The following ZNF362 variants were observed in gnomAD, a reference collection of about 807,000 sequenced individuals.
The protein encoded by ZNF362 is zinc finger protein 362.
Under a neutral mutation model 42.9 loss-of-function variants are expected in ZNF362, and 11 were observed. The ratio of observed to expected loss-of-function variants is 0.26; its 90% CI spans 0.16 to 0.42. The LOEUF (loss-of-function observed/expected upper bound fraction) is 0.42. ZNF362 is among the 20% of genes least tolerant of loss of function. ZNF362 has a pLI of 1.00. For missense variants in ZNF362, 362 were observed against 576.2 expected, an observed-to-expected ratio of 0.63 and a Z score of 3.81; for synonymous variants, 255 against 257.3, an observed-to-expected ratio of 0.99 and a Z score of 0.09.
At chr1:33,172,555 G>A in the ZNF362 span, among the ~76,000 whole-genome samples, 1 of 152,144 alleles carries the variant, frequency 6.6e-6, no homozygotes, top group Non-Finnish European at 1.5e-5. Context: ...GAGCGGGGGT[G>A]GGCCGGGCAG....
the ZNF362 span, chr1:33,176,513 T>C: frequency 1.5e-6 from 1 of 665,018 alleles, no homozygotes; most frequent in Non-Finnish European, 2.8e-6. Context: ...CGGCTGAGAC[T>C]GAATCGGATC....
chr1:33,239,021 G>A, the ZNF362 span, among the ~76,000 whole-genome samples: 1 of 152,186 alleles, frequency 6.6e-6, no homozygotes, highest in Non-Finnish European at 1.5e-5. Context: ...TTCCCAGAAG[G>A]TGCTGGTTGA....
At chr1:33,177,111 A>G in the ZNF362 span, among the ~76,000 whole-genome samples, 9 of 151,634 alleles carry the variant, frequency 5.9e-5, no homozygotes, top group Non-Finnish European at 1.3e-4. The surrounding 1 kb of genome is among the most constrained non-coding windows in gnomAD (Gnocchi z 4.1). Context: ...ATGCACACAC[A>G]CATGCATGTA....
the ZNF362 span, among the ~76,000 whole-genome samples, chr1:33,148,162 A>C: frequency 1.2e-4 from 18 of 152,308 alleles, no homozygotes; most frequent in African/African-American, 3.6e-4. Flanking sequence ...GCTGGGATCC[A>C]GGGATGCTAA....
the ZNF362 span, among the ~76,000 whole-genome samples, chr1:33,232,413 C>T: frequency 2.6e-5 from 4 of 152,178 alleles, no homozygotes; most frequent in African/African-American, 9.7e-5. Flanking sequence ...CTCACGCCAC[C>T]ATGCCAGGCT....
chr1:33,252,107 C>T (rs1645764273), upstream of ZNF362, among the ~76,000 whole-genome samples: 1 of 152,216 alleles, frequency 6.6e-6, no homozygotes, highest in Non-Finnish European at 1.5e-5. Context: ...AATCCCAGCA[C>T]TTTGGGAGGC....
rs1017473702 is a variant in ZNF362, at chr1:33,266,969, G to C, written c.-88-3518G>C. Among the ~76,000 whole-genome samples the C allele has an allele frequency of 6.6e-6, 1 of 152,170 alleles. No individual in the cohort carries two copies. Among genetic ancestry groups the C allele is most frequent in the African/African-American group, 2.4e-5 (1 of 41,446 alleles). ...TTTAAGCGGTAGACTTAGCGCCCTG[G>C]GAAGGCTCTCCTTCGGCTTGGTCCT... is the stretch of plus-strand genomic sequence containing the variant. On this transcript the variant is annotated intron_variant, in intron 1 of 8. Transcript: ENST00000539719. This position sits in a 1 kb window ranked among gnomAD's most constrained non-coding sequence, Gnocchi z 4.3.
At chr1:33,194,729 T>C in the ZNF362 span, 8 of 152,120 alleles carry the variant, frequency 5.3e-5, no homozygotes, top group Non-Finnish European at 1.2e-4. Flanking sequence ...TACCTCATGG[T>C]GTTGCTATGA....
the ZNF362 span, among the ~76,000 whole-genome samples, chr1:33,148,384 C>T: frequency 2.0e-5 from 3 of 152,132 alleles, no homozygotes; most frequent in Admixed American, 6.5e-5. Context: ...CAGAATGCAA[C>T]CACTGTGTAA....
chr1:33,282,458 T>C (rs1339841484), intron 6 of ZNF362, among the ~76,000 whole-genome samples: 5 of 152,130 alleles, frequency 3.3e-5, no homozygotes, highest in Non-Finnish European at 7.4e-5. Context: ...CAGACGAAAA[T>C]CTCTGCCTTC....
the ZNF362 span, among the ~76,000 whole-genome samples, chr1:33,236,042 T>G: frequency 6.6e-6 from 1 of 152,278 alleles, no homozygotes; most frequent in East Asian, 1.9e-4. Context: ...AAGTGCTGAC[T>G]GTTGCCCCTT....
the ZNF362 span, among the ~76,000 whole-genome samples, chr1:33,240,420 C>T: frequency 6.6e-6 from 1 of 152,180 alleles, no homozygotes; most frequent in Non-Finnish European, 1.5e-5. Flanking sequence ...AACATCTGAG[C>T]AATTGCTCCC....
intron 4 of ZNF362, among the ~76,000 whole-genome samples, chr1:33,278,375 A>G (rs1047445298): frequency 5.3e-5 from 8 of 152,218 alleles, no homozygotes; most frequent in African/African-American, 1.9e-4. Flanking sequence ...AAGGTAATAC[A>G]TAGTCATTAT....
Position 33,299,103 on chromosome 1 carries a change from C to A in ZNF362, c.*57C>A. The A allele has an allele frequency of 7.2e-7, 1 of 1,389,362 alleles. No individual in the cohort carries two copies. The highest frequency in any genetic ancestry group is 1.0e-6 in the Non-Finnish European group (1 of 990,336). The allele number at this position is 1,389,362 out of a possible 1,614,324, so 86.1% of individuals were successfully genotyped here. A position where few individuals can be genotyped will look rare whatever the true frequency, so the allele number is the denominator to read the frequency against. On this transcript the variant is annotated 3_prime_UTR_variant, in exon 9 of 9. Coordinates refer to ENST00000539719, the MANE Select transcript of ZNF362 (RefSeq NM_152493.3). Reference sequence around the variant, plus strand: ...CTGGCAGACACAGACCCAGGCAGCACCAGGCCCCAGCTCCCTCCGGGGGCC... The same window carrying A: ...CTGGCAGACACAGACCCAGGCAGCAACAGGCCCCAGCTCCCTCCGGGGGCC...
chr1:33,257,848 C>A (rs559690195), intron 1 of ZNF362, among the ~76,000 whole-genome samples: 1 of 152,266 alleles, frequency 6.6e-6, no homozygotes, highest in African/African-American at 2.4e-5. Context: ...CAGGACCCCC[C>A]GTGTAGGCTG....
chr1:33,147,502 G>A, the ZNF362 span: 1 of 1,613,264 alleles, frequency 6.2e-7, no homozygotes, highest in Non-Finnish European at 8.5e-7. This position sits in a 1 kb window ranked among gnomAD's most constrained non-coding sequence, Gnocchi z 8.1. Context: ...GGCTTCGTGT[G>A]CCAGCCCGAT....
chr1:33,159,937 G>A, the ZNF362 span: 2 of 1,602,944 alleles, frequency 1.2e-6, no homozygotes, highest in Middle Eastern at 1.6e-4. This position sits in a 1 kb window ranked among gnomAD's most constrained non-coding sequence, Gnocchi z 4.2. Flanking sequence ...CAGGCTCTTG[G>A]TGGAAGACTG....
At chr1:33,229,465 G>A in the ZNF362 span, among the ~76,000 whole-genome samples, 1 of 149,436 alleles carries the variant, frequency 6.7e-6, no homozygotes, top group Non-Finnish European at 1.5e-5. Flanking sequence ...GGAGTGTAGT[G>A]GCATGATCTC....
rs771943651 is a variant in ZNF362 at position 33,294,029 on chromosome 1, C to T, written c.909-908C>T. Reference sequence around the variant, plus strand: ...TTCTACATGTGATTTACTTATTTCACGCTTGTTGCTTATTTCCTCCAGGCA... The same window carrying T: ...TTCTACATGTGATTTACTTATTTCATGCTTGTTGCTTATTTCCTCCAGGCA... On this transcript the variant is annotated intron_variant, in intron 6 of 8. Coordinates refer to ENST00000539719, the MANE Select transcript of ZNF362 (RefSeq NM_152493.3). This position sits in a 1 kb window ranked among gnomAD's most constrained non-coding sequence, Gnocchi z 4.2. 6.6e-6 allele frequency among the ~76,000 whole-genome samples: 1 copy of T among 152,198 alleles called. No individual in the cohort carries two copies. The highest frequency in any genetic ancestry group is 1.5e-5 in the Non-Finnish European group (1 of 68,038).
Sources: gnomAD v4.1 joint callset for allele counts (sites outside exome capture counted in the v4.1 genomes callset) on GRCh38, gnomAD v4.1.1 for gene constraint, Gnocchi (gnomAD v3.1) non-coding constraint, MANE v1.5 for transcripts, NCBI Gene and HGNC (gene_info 2026-07-23, HGNC 2026-07-21) for gene names.